CASD1: variants seen among roughly 807,000 people sequenced by gnomAD.
CASD1 encodes the protein N-acetylneuraminate (7)9-O-acetyltransferase.
In CASD1, 41 loss-of-function variants were observed where a neutral mutation model predicts 100.0. The observed-to-expected ratio is 0.41, with a 90% CI of 0.32 to 0.53. CASD1 has a LOEUF of 0.53. CASD1 is among the 20% of genes least tolerant of loss of function. The pLI, the probability that CASD1 is intolerant of heterozygous loss-of-function variation, is 0.25. For missense variants in CASD1, 774 were observed against 948.7 expected (o/e 0.82, Z 2.42); for synonymous variants, 321 against 315.6 (o/e 1.02, Z -0.18).
chr7:94,628,161 CACAT>C, the CASD1 span: 250 of 1,488,756 alleles, frequency 1.7e-4, no homozygotes, highest in African/African-American at 2.8e-3. Context: ...CACACACACA[CACAT>C]ATATGTATAG....
intron 8 of CASD1, among the ~76,000 whole-genome samples, chr7:94,536,375 T>C (rs1344879634): frequency 6.6e-6 from 1 of 152,374 alleles, no homozygotes; most frequent in African/African-American, 2.4e-5. Context: ...ACTATGTAAC[T>C]ACAAATTTTC....
chr7:94,602,069 G>T, the CASD1 span, among the ~76,000 whole-genome samples: 1 of 151,996 alleles, frequency 6.6e-6, no homozygotes, highest in African/African-American at 2.4e-5. Flanking sequence ...TAGAGACTGG[G>T]TAATAGTCCT....
At chr7:94,600,617 A>G in the CASD1 span, 3 of 1,496,872 alleles carry the variant, frequency 2.0e-6, no homozygotes, top group Non-Finnish European at 2.8e-6. Flanking sequence ...CAGGATCTCT[A>G]ATTATCTTAT....
the CASD1 span, among the ~76,000 whole-genome samples, chr7:94,602,779 AT>A: frequency 2.6e-5 from 4 of 152,154 alleles, no homozygotes; most frequent in African/African-American, 9.7e-5. Flanking sequence ...AAGAAATATT[AT>A]GTTTATGAAT....
the CASD1 span, chr7:94,625,566 G>A: frequency 2.6e-5 from 4 of 152,030 alleles, no homozygotes; most frequent in Non-Finnish European, 5.9e-5. Flanking sequence ...TTAAAATACA[G>A]TTTTATTATA....
the CASD1 span, among the ~76,000 whole-genome samples, chr7:94,562,679 C>G: frequency 2.0e-5 from 3 of 151,756 alleles, no homozygotes; most frequent in African/African-American, 7.3e-5. Flanking sequence ...ATGCCATTTC[C>G]TTCTCTAACT....
At chr7:94,624,571 C>T in the CASD1 span, 10 of 211,198 alleles carry the variant, frequency 4.7e-5, no homozygotes, top group Non-Finnish European at 8.4e-5. Flanking sequence ...AATTTCACAC[C>T]GGACATTAAA....
chr7:94,611,775 T>C, the CASD1 span, among the ~76,000 whole-genome samples: 2 of 152,218 alleles, frequency 1.3e-5, no homozygotes, highest in African/African-American at 4.8e-5. Flanking sequence ...GACAACTGTG[T>C]TCGAGAATAT....
Position 94,510,020 on chromosome 7 carries a change from A to G in CASD1, c.-65A>G, listed in dbSNP as rs1212499384. ...GCCTGGCTGCAGCGGCGGCAGCCCC[A>G]GTGCTGCCCCTGTGCGGCGCCCCTT... On this transcript the variant is annotated 5_prime_UTR_variant, in exon 1 of 18. Coordinates refer to ENST00000297273, the MANE Select transcript of CASD1 (RefSeq NM_022900.5). 4 of 1,383,864 alleles carry G rather than the reference A, an allele frequency of 2.9e-6. No homozygotes were observed. The highest frequency in any genetic ancestry group is 2.8e-6 in the Non-Finnish European group (3 of 1,053,204). The allele number at this position is 1,383,864 out of a possible 1,614,324, so 85.7% of individuals were successfully genotyped here.
chr7:94,623,868 A>C, the CASD1 span: 1 of 356,204 alleles, frequency 2.8e-6, no homozygotes, highest in Non-Finnish European at 5.0e-6. Context: ...CAGTCAAAAA[A>C]TGTCATAAAT....
At chr7:94,584,230 G>A in the CASD1 span, among the ~76,000 whole-genome samples, 1 of 152,180 alleles carries the variant, frequency 6.6e-6, no homozygotes, top group Non-Finnish European at 1.5e-5. Flanking sequence ...ACTATTAGGA[G>A]CAGTTTGATT....
the CASD1 span, among the ~76,000 whole-genome samples, chr7:94,566,407 AAAAG>A: frequency 6.8e-4 from 104 of 152,294 alleles, 1 homozygote; most frequent in African/African-American, 2.5e-3. Context: ...ATACTTATAA[AAAAG>A]AAATATTTCT....
chr7:94,577,493 C>T, the CASD1 span, among the ~76,000 whole-genome samples: 2 of 152,148 alleles, frequency 1.3e-5, no homozygotes, highest in Non-Finnish European at 2.9e-5. Flanking sequence ...CTGAGACAGG[C>T]AGTTGATAGC....
chr7:94,581,396 G>T, the CASD1 span, among the ~76,000 whole-genome samples: 21 of 151,888 alleles, frequency 1.4e-4, no homozygotes, highest in Non-Finnish European at 2.9e-4. Context: ...TAAGCTCAGG[G>T]TTACATGTGC....
At chr7:94,604,806 AATATATATATATATATATATATATAT>A in the CASD1 span, among the ~76,000 whole-genome samples, 671 of 44,418 alleles carry the variant, frequency 0.015, 37 homozygotes, top group African/African-American at 0.072. Context: ...ATGGTGCTGG[AATATATATATATATATATATATATAT>A]ATATATATAT....
chr7:94,582,561 A>G, the CASD1 span, among the ~76,000 whole-genome samples: 1 of 152,188 alleles, frequency 6.6e-6, no homozygotes, highest in Non-Finnish European at 1.5e-5. Context: ...GACCTTTGTC[A>G]GATGTATAGA....
intron 5 of CASD1, among the ~76,000 whole-genome samples, chr7:94,531,685 A>G (rs1001818088): frequency 2.6e-5 from 4 of 151,936 alleles, no homozygotes; most frequent in African/African-American, 9.7e-5. Context: ...CTATATTTGT[A>G]GTATTTTACA....
chr7:94,550,365 A>C (rs1030500706), intron 14 of CASD1, among the ~76,000 whole-genome samples: 1 of 151,734 alleles, frequency 6.6e-6, no homozygotes, highest in African/African-American at 2.4e-5. Context: ...AGTGTACTAC[A>C]TTGCATTTCA....
At chr7:94,533,178 C>G in intron 5 of CASD1, 27 bp from the exon 6 acceptor site, 2 of 1,571,694 alleles carry the variant, frequency 1.3e-6, no homozygotes, top group African/African-American at 1.3e-5. Flanking sequence ...GATTATAATA[C>G]TATGATAAAG....
Sources: allele counts gnomAD v4.1 joint callset (sites outside exome capture counted in the v4.1 genomes callset), GRCh38; gene constraint gnomAD v4.1.1; transcripts MANE v1.5; gene names NCBI Gene and HGNC (gene_info 2026-07-23, HGNC 2026-07-21).